Variants in STAU2 observed in about 807,000 individuals in gnomAD.
The protein encoded by STAU2 is staufen double-stranded RNA binding protein 2, also known as double-stranded RNA-binding protein Staufen homolog 2.
STAU2 carries 20 observed loss-of-function variants against 65.9 expected under a neutral mutation model. That is an observed-to-expected ratio of 0.30 (90% CI 0.21 to 0.44). The LOEUF is 0.44. STAU2 is among the 20% of genes least tolerant of loss of function. The pLI is 1.00. For synonymous variants in STAU2, 232 were observed against 233.9 expected, an observed-to-expected ratio of 0.99 and a Z score of 0.07; for missense variants, 558 against 683.9, an observed-to-expected ratio of 0.82 and a Z score of 2.05.
At chr8:73,644,403 C>T (rs1002939981) in intron 6 of STAU2, among the ~76,000 whole-genome samples, 4 of 151,588 alleles carry the variant, frequency 2.6e-5, no homozygotes, top group Non-Finnish European at 4.4e-5. Flanking sequence ...TATGATTATG[C>T]CACTGCACTC....
chr8:73,717,501 T>C (rs1821332195), intron 3 of STAU2, among the ~76,000 whole-genome samples: 1 of 152,358 alleles, frequency 6.6e-6, no homozygotes, highest in African/African-American at 2.4e-5. Flanking sequence ...TTTCCAACTG[T>C]GGAAAAGGCT....
intron 10 of STAU2, among the ~76,000 whole-genome samples, chr8:73,600,662 C>T (rs1417456008): frequency 6.6e-6 from 1 of 152,224 alleles, no homozygotes; most frequent in East Asian, 1.9e-4. Flanking sequence ...TCAGAAGCTT[C>T]CTCTACTGCT....
rs776596713 is a variant in STAU2, at chr8:73,582,843, A to G, written c.1162-13T>C. The G allele has an allele frequency of 1.7e-5, 27 of 1,607,822 alleles. No homozygotes were observed. The highest frequency in any genetic ancestry group is 6.7e-5 in the Admixed American group (4 of 59,788). On this transcript the variant is annotated splice_polypyrimidine_tract_variant and intron_variant, in intron 11 of 14. Coordinates refer to ENST00000524300, the MANE Select transcript of STAU2 (RefSeq NM_001164380.2). Reference sequence around the variant, plus strand: ...TGTTTTCCCCTGTCTGAAAGATTAAATCAATCGTTCAAATCCAGAGAAACA... The same window carrying G: ...TGTTTTCCCCTGTCTGAAAGATTAAGTCAATCGTTCAAATCCAGAGAAACA...
chr8:73,742,141 C>A, intron 1 of STAU2: 1 of 903,228 alleles, frequency 1.1e-6, no homozygotes, highest in Non-Finnish European at 1.3e-6. Flanking sequence ...TTTAAAGACA[C>A]GCCCAGTCTA....
intron 6 of STAU2, among the ~76,000 whole-genome samples, chr8:73,637,519 A>G (rs868135807): frequency 7.2e-6 from 1 of 139,660 alleles, no homozygotes. Flanking sequence ...AAGAAAAAAA[A>G]GAAAAACTGT....
chr8:73,672,989 C>T, intron 6 of STAU2, 118 bp downstream of exon 6: 2 of 946,846 alleles, frequency 2.1e-6, no homozygotes, highest in East Asian at 3.0e-5. Flanking sequence ...ATCTAAATTC[C>T]ATGCACAATG....
chr8:73,422,639 T>A lies in STAU2; in HGVS notation c.1594A>T (p.Asn532Tyr), dbSNP rs549087679. ...TTTTCAAGAGAACCTTTTTCGATAT[T>A]CATTGCTCCATCGATTGGATCCAGT... ...QGLDPIDGAM[N>Y]IEKGSLEKQA... The change falls in exon 14 of 15, where the codon AAT (asparagine) becomes TAT (tyrosine). Residue 532 changes from asparagine to tyrosine, a missense_variant. Physicochemically the swap from Asn to Tyr is moderately radical, Grantham distance 143 (BLOSUM62 -2). Around this residue, in one of 3 missense-constraint regions of STAU2, gnomAD observed 247 missense variants for 270.1 expected, o/e 0.91. Transcript: ENST00000524300. 6.6e-7 allele frequency: 1 copy of A among 1,516,482 alleles called. No individual in the cohort carries two copies. Among genetic ancestry groups the A allele is most frequent in the Admixed American group, 2.2e-5 (1 of 45,664 alleles). The allele number at this position is 1,516,482 out of a possible 1,614,324, so 93.9% of individuals were successfully genotyped here.
upstream of STAU2, chr8:73,747,331 G>T: frequency 6.6e-7 from 1 of 1,522,706 alleles, no homozygotes; most frequent in South Asian, 1.2e-5. Flanking sequence ...TTCCCCGCCC[G>T]ACTGACCGTC....
intron 12 of STAU2, among the ~76,000 whole-genome samples, chr8:73,581,630 G>C (rs1044640785): frequency 2.0e-5 from 3 of 152,126 alleles, no homozygotes; most frequent in Non-Finnish European, 2.9e-5. Flanking sequence ...TAGGAATCCT[G>C]AACTGATTCC....
intron 13 of STAU2, among the ~76,000 whole-genome samples, chr8:73,484,957 C>A (rs908705156): frequency 1.3e-4 from 20 of 152,006 alleles, no homozygotes; most frequent in Admixed American, 1.3e-3. Context: ...AATTTTACAT[C>A]ATAATTACAC....
intron 11 of STAU2, among the ~76,000 whole-genome samples, chr8:73,585,537 G>C (rs1006331619): frequency 6.6e-6 from 1 of 152,214 alleles, no homozygotes; most frequent in Non-Finnish European, 1.5e-5. Flanking sequence ...TTTCATCTGA[G>C]AGCTATGCCT....
At chr8:73,550,213 A>G in intron 13 of STAU2, 1 of 985,344 alleles carries the variant, frequency 1.0e-6, no homozygotes, top group Non-Finnish European at 1.2e-6. Context: ...ACAGATTTGG[A>G]AACATATAAC....
At position 73,678,230 on chromosome 8, in the gene STAU2, T is replaced by C. The variant is rs189928865; in HGVS notation, c.275-4988A>G. Reference sequence around the variant, plus strand: ...AAATGCATCATGCACTGCTCATGAATATTAATTCCTCCCAGCTACGTATAA... The same window carrying C: ...AAATGCATCATGCACTGCTCATGAACATTAATTCCTCCCAGCTACGTATAA... On this transcript the variant is annotated intron_variant, in intron 5 of 14. Transcript: ENST00000524300. 2.6e-5 allele frequency among the ~76,000 whole-genome samples: 4 copies of C among 152,320 alleles called. No homozygotes were observed. The South Asian group carries it at 6.2e-4, about 24-fold the overall frequency.
chr8:73,591,749 T>G (rs1206532230), intron 11 of STAU2, among the ~76,000 whole-genome samples: 1 of 151,480 alleles, frequency 6.6e-6, no homozygotes, highest in Non-Finnish European at 1.5e-5. Flanking sequence ...AAACTTATAG[T>G]TGGAAACTTT....
At chr8:73,649,735 C>G (rs1815688317) in intron 6 of STAU2, among the ~76,000 whole-genome samples, 1 of 151,276 alleles carries the variant, frequency 6.6e-6, no homozygotes, top group Admixed American at 6.6e-5. Flanking sequence ...ATCAATATAT[C>G]ACAACAAAAG....
At chr8:73,456,924 A>C (rs1002306579) in intron 13 of STAU2, among the ~76,000 whole-genome samples, 1 of 152,208 alleles carries the variant, frequency 6.6e-6, no homozygotes, top group African/African-American at 2.4e-5. Flanking sequence ...TTACCAAATG[A>C]AACCAAGGTC....
At chr8:73,524,918 TAGAC>T (rs1823262979) in intron 13 of STAU2, among the ~76,000 whole-genome samples, 1 of 152,162 alleles carries the variant, frequency 6.6e-6, no homozygotes, top group Non-Finnish European at 1.5e-5. Flanking sequence ...ACCTTTTGCT[TAGAC>T]AGACCCTCAG....
chr8:73,474,654 GA>G (rs368487028), intron 13 of STAU2, among the ~76,000 whole-genome samples: 74 of 147,268 alleles, frequency 5.0e-4, no homozygotes, highest in African/African-American at 1.2e-3. Context: ...AGGGGAGGAA[GA>G]AAAAAAAAAG....
Position 73,471,774 on chromosome 8 carries a change from C to T in STAU2, c.1531-49072G>A, listed in dbSNP as rs58844199. ...CGGAGGTTGTAGTGAGCTGAGATTG[C>T]GTCACTGCACTCCCGCCTGGGCAAC... is the stretch of plus-strand genomic sequence containing the variant. On this transcript the variant is annotated intron_variant, in intron 13 of 14. Transcript: ENST00000524300. 8.2e-3 allele frequency among the ~76,000 whole-genome samples: 1,145 copies of T among 139,410 alleles called. 17 individuals carry two copies. The highest frequency in any genetic ancestry group is 0.029 in the African/African-American group (1,064 of 37,228). 91.5% of individuals were successfully genotyped at this position (139,410 alleles called of 152,430 possible).
Sources: gnomAD v4.1 joint callset for allele counts (sites outside exome capture counted in the v4.1 genomes callset) on GRCh38, gnomAD v4.1.1 for gene constraint, gnomAD v4.1.1 regional missense constraint, MANE v1.5 for transcripts, NCBI Gene and HGNC (gene_info 2026-07-23, HGNC 2026-07-21) for gene names.